The following PCDHB9 variants were observed in gnomAD, a reference collection of about 807,000 sequenced individuals.
PCDHB9 encodes the protein protocadherin beta-9.
For missense variants in PCDHB9, 1,072 were observed against 995.1 expected (o/e 1.08, Z -1.04); for synonymous variants, 501 against 439.7 (o/e 1.14, Z -1.75).
chr5:141,188,947 C>A lies in PCDHB9; in HGVS notation c.1629C>A (p.Ser543Arg). ...ASDRGSPALS[S>R]EALVRVLVLD... Reference sequence around the variant, plus strand: ...ACCGCGGCTCCCCGGCTTTGAGCAGCGAGGCGCTGGTGCGCGTACTGGTGC... The same window carrying A: ...ACCGCGGCTCCCCGGCTTTGAGCAGAGAGGCGCTGGTGCGCGTACTGGTGC... Residue 543 changes from serine (S) to arginine (R), a missense_variant, in exon 1 of 1, where the codon AGC becomes AGA. Ser to Arg is a moderately radical substitution (Grantham distance 110). Transcript: ENST00000316105. 1 of 1,611,932 alleles carries A rather than the reference C, an allele frequency of 6.2e-7. No homozygotes were observed. Among genetic ancestry groups the A allele is most frequent in the Non-Finnish European group, 8.5e-7 (1 of 1,179,804 alleles).
In PCDHB9 at chr5:141,188,890, G is replaced by T. The variant is rs765790311; in HGVS notation, c.1572G>T (p.Leu524=). The T allele has an allele frequency of 6.2e-7, 1 of 1,612,560 alleles. No individual in the cohort carries two copies. The highest frequency in any genetic ancestry group is 8.5e-7 in the Non-Finnish European group (1 of 1,179,912). Residue 524 remains leucine (L), a synonymous_variant, in exon 1 of 1, where the codon CTG becomes CTT. Transcript: ENST00000316105. ...FALRSLDYEA[L]QAFDFRVGAS... is the part of the protein sequence containing the mutation. Reference sequence around the variant, plus strand: ...TCAGGTCGCTGGACTACGAGGCCCTGCAGGCTTTCGACTTCCGCGTGGGCG... The same window carrying T: ...TCAGGTCGCTGGACTACGAGGCCCTTCAGGCTTTCGACTTCCGCGTGGGCG...
Position 141,188,843 on chromosome 5 carries a change from G to C in PCDHB9, c.1525G>C (p.Asp509His), listed in dbSNP as rs530113069. The stretch of plus-strand genomic sequence containing the variant: ...CGCCTCCCTGGTCTCCATCAACGCG[G>C]ACAATGGCCACCTGTTTGCCCTCAG... Reference protein sequence around the residue: ...PLASLVSINADNGHLFALRSL... With the variant: ...PLASLVSINAHNGHLFALRSL... Residue 509 changes from aspartate (D) to histidine (H), a missense_variant, in exon 1 of 1, where the codon GAC becomes CAC. Coordinates refer to ENST00000316105, the MANE Select transcript of PCDHB9 (RefSeq NM_019119.5). The C allele has an allele frequency of 3.1e-6, 5 of 1,612,894 alleles. No homozygotes were observed. Among genetic ancestry groups the C allele is most frequent in the African/African-American group, 1.3e-5 (1 of 75,002 alleles).
chr5:141,187,609 C>A lies in PCDHB9; in HGVS notation c.291C>A (p.Gly97=), dbSNP rs782774957. Residue 97 remains glycine, a synonymous_variant, in exon 1 of 1, where the codon GGC becomes GGA. Transcript: ENST00000316105. ...AACTGGACCGAGAGAAGCTGTGTGG[C>A]CCTAAAGAGCCCTGTATGCTGTATT... ...NEKLDREKLC[G]PKEPCMLYFQ... is the part of the protein sequence containing the mutation. 5.0e-6 allele frequency: 8 copies of A among 1,612,492 alleles called. No homozygotes were observed. In the African/African-American group the frequency reaches 9.4e-5, roughly 19 times the overall value.
In PCDHB9 at chr5:141,189,358, G is replaced by A. The variant is rs1428832290; in HGVS notation, c.2040G>A (p.Gln680=). The change falls in exon 1 of 1, where the codon CAG becomes CAA. Residue 680 remains glutamine (Q), a synonymous_variant. Coordinates refer to ENST00000316105, the MANE Select transcript of PCDHB9 (RefSeq NM_019119.5). Reference sequence around the variant, plus strand: ...CTCTCCCGGAGGCGGCCCCGGCCCAGGCCCAGGCCGACTTGCTCACCGTCT... The same window carrying A: ...CTCTCCCGGAGGCGGCCCCGGCCCAAGCCCAGGCCGACTTGCTCACCGTCT... ...YLPLPEAAPA[Q]AQADLLTVYL... The A allele has an allele frequency of 2.8e-5, 45 of 1,611,326 alleles. No individual in the cohort carries two copies. Among genetic ancestry groups the A allele is most frequent in the Non-Finnish European group, 3.7e-5 (44 of 1,179,812 alleles).
At position 141,190,727 on chromosome 5, in the gene PCDHB9, C is replaced by T. The variant is rs1429889307; in HGVS notation, c.*1015C>T. ...AATATTTAATTTGCTCCTTTTAATT[C>T]TGTATAAACAAATCAGAGGTTCCTG... On this transcript the variant is annotated 3_prime_UTR_variant, in exon 1 of 1. Transcript: ENST00000316105. The T allele has an allele frequency of 1.0e-4, 15 of 147,478 alleles. No individual in the cohort carries two copies. Among genetic ancestry groups the T allele is most frequent in the Admixed American group, 9.7e-4 (14 of 14,462 alleles). 9.1% of individuals were successfully genotyped at this position (147,478 alleles called of 1,614,324 possible).
At position 141,188,963 on chromosome 5, in the gene PCDHB9, G is replaced by A. The variant is rs199912805; in HGVS notation, c.1645G>A (p.Val549Ile). The A allele has an allele frequency of 2.5e-6, 4 of 1,611,820 alleles. No homozygotes were observed. The highest frequency in any genetic ancestry group is 1.7e-5 in the Admixed American group (1 of 60,000). Residue 549 changes from valine to isoleucine, a missense_variant, in exon 1 of 1, where the codon GTA becomes ATA. By Grantham distance (29) the Val-to-Ile change is conservative (BLOSUM62 3). Coordinates refer to ENST00000316105, the MANE Select transcript of PCDHB9 (RefSeq NM_019119.5). ...PALSSEALVR[V>I]LVLDANDNSP... is the part of the protein sequence containing the mutation. ...TTTGAGCAGCGAGGCGCTGGTGCGC[G>A]TACTGGTGCTGGACGCCAACGACAA...
Position 141,188,184 on chromosome 5 carries a change from T to C in PCDHB9, c.866T>C (p.Leu289Ser), listed in dbSNP as rs782704718. Residue 289 changes from leucine to serine, a missense_variant, in exon 1 of 1, where the codon TTA becomes TCA. Leu to Ser is a moderately radical substitution (Grantham distance 145). Transcript: ENST00000316105. ...YSFFDASEDILTTFQINPFSG... is the reference protein window; with the variant it reads ...YSFFDASEDISTTFQINPFSG... ...TTTTTTGATGCTTCTGAAGATATTT[T>C]AACAACGTTTCAAATCAATCCTTTT... is the stretch of plus-strand genomic sequence containing the variant. The C allele has an allele frequency of 6.2e-7, 1 of 1,610,952 alleles. No homozygotes were observed. Among genetic ancestry groups the C allele is most frequent in the African/African-American group, 1.3e-5 (1 of 74,856 alleles).
chr5:141,188,645 G>A lies in PCDHB9; in HGVS notation c.1327G>A (p.Asp443Asn). ...TEHSITLQVS[D>N]VNDNAPAFTQ... is the part of the protein sequence containing the mutation. ...GCACAGCATAACCCTGCAGGTCTCC[G>A]ACGTCAATGACAACGCCCCCGCCTT... Residue 443 changes from aspartate (D) to asparagine (N), a missense_variant, in exon 1 of 1, where the codon GAC (aspartate) becomes AAC (asparagine). Physicochemically the swap from Asp to Asn is conservative, Grantham distance 23. Coordinates refer to ENST00000316105, the MANE Select transcript of PCDHB9 (RefSeq NM_019119.5). 6.2e-7 allele frequency: 1 copy of A among 1,614,094 alleles called. No individual in the cohort carries two copies. Among genetic ancestry groups the A allele is most frequent in the Non-Finnish European group, 8.5e-7 (1 of 1,180,040 alleles).
Position 141,187,745 on chromosome 5 carries a change from T to C in PCDHB9, c.427T>C (p.Ser143Pro). ...FRHKEMVLKI[S>P]ENTAEGTAFR... ...GCACAAAGAGATGGTCTTAAAAATA[T>C]CAGAAAATACAGCTGAAGGGACAGC... The change falls in exon 1 of 1, where the codon TCA becomes CCA. Residue 143 changes from serine (S) to proline (P), a missense_variant. Transcript: ENST00000316105. The C allele has an allele frequency of 6.2e-7, 1 of 1,614,064 alleles. No individual in the cohort carries two copies. The highest frequency in any genetic ancestry group is 8.5e-7 in the Non-Finnish European group (1 of 1,180,026).
At position 141,189,223 on chromosome 5, in the gene PCDHB9, G is replaced by A. The variant is rs2860540; in HGVS notation, c.1905G>A (p.Ala635=). The A allele has an allele frequency of 0.59, 934,862 of 1,574,718 alleles. 281,052 individuals carry two copies. The highest frequency in any genetic ancestry group is 0.78 in the African/African-American group (57,693 of 74,154). Reference sequence around the variant, plus strand: ...CCAGGCTGCTGAGCGAGCGCGACGCGGCCAAGCACAGGCTGGTGGTGCTTG... The same window carrying A: ...CCAGGCTGCTGAGCGAGCGCGACGCAGCCAAGCACAGGCTGGTGGTGCTTG... ...RTARLLSERD[A]AKHRLVVLVK... Residue 635 remains alanine (A), a synonymous_variant, in exon 1 of 1, where the codon GCG becomes GCA. Transcript: ENST00000316105.
In PCDHB9 at chr5:141,188,717, G is replaced by A. The variant is rs1468607128; in HGVS notation, c.1399G>A (p.Ala467Thr). Residue 467 changes from alanine (A) to threonine (T), a missense_variant, in exon 1 of 1, where the codon GCC (alanine) becomes ACC (threonine). Physicochemically the swap from Ala to Thr is moderately conservative, Grantham distance 58. Transcript: ENST00000316105. Reference protein sequence around the residue: ...TLFVRENNSPALHIGSVSATD... With the variant: ...TLFVRENNSPTLHIGSVSATD... ...GTTCGTCCGGGAGAACAACAGCCCC[G>A]CCCTGCACATCGGCAGTGTCAGCGC... is the stretch of plus-strand genomic sequence containing the variant. 19 of 1,613,500 alleles carry A rather than the reference G, an allele frequency of 1.2e-5. No homozygotes were observed. Among genetic ancestry groups the A allele is most frequent in the Admixed American group, 1.7e-5 (1 of 59,992 alleles).
Position 141,188,927 on chromosome 5 carries a change from G to C in PCDHB9, c.1609G>C (p.Gly537Arg). The C allele has an allele frequency of 7.4e-6, 12 of 1,612,076 alleles. No individual in the cohort carries two copies. Among genetic ancestry groups the C allele is most frequent in the Non-Finnish European group, 1.0e-5 (12 of 1,179,832 alleles). ...CTTCCGCGTGGGCGCCTCAGACCGC[G>C]GCTCCCCGGCTTTGAGCAGCGAGGC... Reference protein sequence around the residue: ...FDFRVGASDRGSPALSSEALV... With the variant: ...FDFRVGASDRRSPALSSEALV... The change falls in exon 1 of 1, where the codon GGC (glycine) becomes CGC (arginine). Residue 537 changes from glycine to arginine, a missense_variant. Physicochemically the swap from Gly to Arg is moderately radical, Grantham distance 125. Coordinates refer to ENST00000316105, the MANE Select transcript of PCDHB9 (RefSeq NM_019119.5).
In PCDHB9 at chr5:141,188,141, G is replaced by A; in HGVS notation, c.823G>A (p.Ala275Thr). ...SAGDADSGVN[A>T]EVSYSFFDAS... ...AGGAGATGCAGACTCAGGAGTCAAT[G>A]CAGAAGTATCCTATTCATTTTTTGA... Residue 275 changes from alanine (A) to threonine (T), a missense_variant, in exon 1 of 1, where the codon GCA (alanine) becomes ACA (threonine). Physicochemically the swap from Ala to Thr is moderately conservative, Grantham distance 58. Transcript: ENST00000316105. 1.2e-6 allele frequency: 2 copies of A among 1,612,000 alleles called. No individual in the cohort carries two copies. Among genetic ancestry groups the A allele is most frequent in the Non-Finnish European group, 1.7e-6 (2 of 1,178,690 alleles).
rs1554283175 is a variant in PCDHB9 at position 141,188,945 on chromosome 5, A to T, written c.1627A>T (p.Ser543Cys). 6 of 1,611,814 alleles carry T rather than the reference A, an allele frequency of 3.7e-6. No individual in the cohort carries two copies. In the African/African-American group the frequency reaches 6.7e-5, roughly 18 times the overall value. The change falls in exon 1 of 1, where the codon AGC becomes TGC. Residue 543 changes from serine (S) to cysteine (C), a missense_variant. Transcript: ENST00000316105. ...ASDRGSPALSSEALVRVLVLD... is the reference protein window; with the variant it reads ...ASDRGSPALSCEALVRVLVLD... ...AGACCGCGGCTCCCCGGCTTTGAGC[A>T]GCGAGGCGCTGGTGCGCGTACTGGT...
Position 141,188,963 on chromosome 5 carries a change from G to C in PCDHB9, c.1645G>C (p.Val549Leu), listed in dbSNP as rs199912805. 4,341 of 1,611,820 alleles carry C rather than the reference G, an allele frequency of 2.7e-3. 14 individuals are homozygous for C. The highest frequency in any genetic ancestry group is 3.4e-3 in the Non-Finnish European group (4,007 of 1,179,790). Residue 549 changes from valine to leucine, a missense_variant, in exon 1 of 1, where the codon GTA becomes CTA. Transcript: ENST00000316105. Reference protein sequence around the residue: ...PALSSEALVRVLVLDANDNSP... With the variant: ...PALSSEALVRLLVLDANDNSP... ...TTTGAGCAGCGAGGCGCTGGTGCGC[G>C]TACTGGTGCTGGACGCCAACGACAA...
rs376594217 is a variant in PCDHB9 at position 141,188,667 on chromosome 5, C to T, written c.1349C>T (p.Ala450Val). 37 of 1,614,020 alleles carry T rather than the reference C, an allele frequency of 2.3e-5. No individual in the cohort carries two copies. Among genetic ancestry groups the T allele is most frequent in the Middle Eastern group, 3.3e-4 (2 of 6,072 alleles). The change falls in exon 1 of 1, where the codon GCC becomes GTC. Residue 450 changes from alanine (A) to valine (V), a missense_variant. Physicochemically the swap from Ala to Val is moderately conservative, Grantham distance 64 (BLOSUM62 0). Coordinates refer to ENST00000316105, the MANE Select transcript of PCDHB9 (RefSeq NM_019119.5). ...TCCGACGTCAATGACAACGCCCCCG[C>T]CTTCACCCAAACCTCCTACACCCTG... ...QVSDVNDNAP[A>V]FTQTSYTLFV...
rs1563943099 is a variant in PCDHB9, at chr5:141,188,006, AT to A, written c.690del (p.Ile230MetfsTer28). The A allele has an allele frequency of 6.2e-7, 1 of 1,614,016 alleles. No homozygotes were observed. The highest frequency in any genetic ancestry group is 8.5e-7 in the Non-Finnish European group (1 of 1,179,998). On this transcript the variant is annotated frameshift_variant, in exon 1 of 1. Coordinates refer to ENST00000316105, the MANE Select transcript of PCDHB9 (RefSeq NM_019119.5). LOFTEE classifies it low-confidence loss of function (END_TRUNC). ...CAGGTCTGGGACCTCCACTATACGC[AT>A]TGTGGTCTTGGATGTCAATGACAAT... ...PSRSGTSTIR[I>X]VVLDVNDNVP...
Position 141,188,051 on chromosome 5 carries a change from G to A in PCDHB9, c.733G>A (p.Ala245Thr). Residue 245 changes from alanine to threonine, a missense_variant, in exon 1 of 1, where the codon GCT (alanine) becomes ACT (threonine). Transcript: ENST00000316105. Reference protein sequence around the residue: ...VNDNVPQFAQALYETQAPENS... With the variant: ...VNDNVPQFAQTLYETQAPENS... ...TGACAATGTCCCACAGTTTGCCCAG[G>A]CTCTGTATGAGACCCAGGCTCCAGA... The A allele has an allele frequency of 1.2e-6, 2 of 1,613,958 alleles. No homozygotes were observed. The highest frequency in any genetic ancestry group is 2.7e-5 in the African/African-American group (2 of 74,984).
At position 141,188,789 on chromosome 5, in the gene PCDHB9, C is replaced by T. The variant is rs1753810656; in HGVS notation, c.1471C>T (p.Leu491=). 3.1e-6 allele frequency: 5 copies of T among 1,612,958 alleles called. No individual in the cohort carries two copies. The highest frequency in any genetic ancestry group is 4.2e-6 in the Non-Finnish European group (5 of 1,180,036). Reference sequence around the variant, plus strand: ...CAACGCCCAGGTCACCTACTCGCTGCTGCCGCCCCAGGACCCACACCTGCC... The same window carrying T: ...CAACGCCCAGGTCACCTACTCGCTGTTGCCGCCCCAGGACCCACACCTGCC... ...GTNAQVTYSL[L]PPQDPHLPLA... Residue 491 remains leucine, a synonymous_variant, in exon 1 of 1, where the codon CTG becomes TTG. Transcript: ENST00000316105.
Sources: allele counts gnomAD v4.1 joint callset, GRCh38; gene constraint gnomAD v4.1.1; transcripts MANE v1.5; gene names NCBI Gene and HGNC (gene_info 2026-07-23, HGNC 2026-07-21).